The following DYNC1H1 variants were observed in gnomAD, a reference collection of about 807,000 sequenced individuals.
DYNC1H1 encodes dynein cytoplasmic 1 heavy chain 1, also known as cytoplasmic dynein 1 heavy chain 1.
In DYNC1H1, 51 loss-of-function variants were observed where a neutral mutation model predicts 527.1. That is an observed-to-expected ratio of 0.10 (90% confidence interval 0.08 to 0.12). The LOEUF is 0.12. DYNC1H1 is among the 10% of genes least tolerant of loss of function. DYNC1H1 has a pLI of 1.00. For missense variants in DYNC1H1, 2,771 were observed against 5,971.8 expected, an observed-to-expected ratio of 0.46 and a Z score of 17.66; for synonymous variants, 2,189 against 2,278.8, an observed-to-expected ratio of 0.96 and a Z score of 1.12.
chr14:101,965,044 G>A lies in DYNC1H1; in HGVS notation c.256+97G>A. Reference sequence around the variant, plus strand: ...GGTCGCAGATGTCCCCGGGATGGGAGGAGCCCGGCAGCTGCAGATGACCCC... The same window carrying A: ...GGTCGCAGATGTCCCCGGGATGGGAAGAGCCCGGCAGCTGCAGATGACCCC... On this transcript the variant is annotated intron_variant, in intron 1 of 77. Transcript: ENST00000360184. This position sits in a 1 kb window ranked among gnomAD's most constrained non-coding sequence, Gnocchi z 4.1. 7.5e-7 allele frequency: 1 copy of A among 1,331,346 alleles called. No individual in the cohort carries two copies. The highest frequency in any genetic ancestry group is 1.0e-6 in the Non-Finnish European group (1 of 981,026). The allele number at this position is 1,331,346 out of a possible 1,614,324, so 82.5% of individuals were successfully genotyped here. A position where few individuals can be genotyped will look rare whatever the true frequency, so the allele number is the denominator to read the frequency against.
Position 102,033,842 on chromosome 14 carries a change from G to A in DYNC1H1, c.10414-134G>A. The A allele has an allele frequency of 1.1e-6, 1 of 923,980 alleles. No individual in the cohort carries two copies. Among genetic ancestry groups the A allele is most frequent in the Non-Finnish European group, 1.7e-6 (1 of 589,042 alleles). 57.2% of individuals were successfully genotyped at this position (923,980 alleles called of 1,614,324 possible). A position where few individuals can be genotyped will look rare whatever the true frequency, so the allele number is the denominator to read the frequency against. ...TATGATCTGGGTCTCATCTCCTCTG[G>A]GACTGTGAACAACTTGGGCACGTTT... On this transcript the variant is annotated intron_variant, in intron 54 of 77. Transcript: ENST00000360184. The surrounding 1 kb of genome is among the most constrained non-coding windows in gnomAD (Gnocchi z 5.6).
In DYNC1H1 at chr14:101,979,751, A is replaced by G; in HGVS notation, c.551A>G (p.Lys184Arg). 1.2e-6 allele frequency: 2 copies of G among 1,614,230 alleles called. No homozygotes were observed. Among genetic ancestry groups the G allele is most frequent in the Non-Finnish European group, 1.7e-6 (2 of 1,180,044 alleles). The change falls in exon 4 of 78, where the codon AAG becomes AGG. Residue 184 changes from lysine (K) to arginine (R), a missense_variant. This residue lies in a region of DYNC1H1 where 146 missense variants were observed against 288.1 expected (regional missense o/e 0.51). Coordinates refer to ENST00000360184, the MANE Select transcript of DYNC1H1 (RefSeq NM_001376.5). The surrounding 1 kb of genome is among the most constrained non-coding windows in gnomAD (Gnocchi z 4.6). ...DGDKMAPSVE[K>R]KIAELEMGLL... The stretch of plus-strand genomic sequence containing the variant: ...GATAAAATGGCTCCTTCAGTTGAAA[A>G]GAAGATTGCAGAACTCGAAATGGGA...
chr14:102,036,449 T>C lies in DYNC1H1; in HGVS notation c.10755-40T>C, dbSNP rs1167214143. On this transcript the variant is annotated intron_variant, in intron 56 of 77. Coordinates refer to ENST00000360184, the MANE Select transcript of DYNC1H1 (RefSeq NM_001376.5). The surrounding 1 kb of genome is among the most constrained non-coding windows in gnomAD (Gnocchi z 5.6). ...TAACCGTGATCCTGTGCTTTCCCCA[T>C]TCGGTGTTTCAACCTTCTCTTCTGT... 8 of 1,611,406 alleles carry C rather than the reference T, an allele frequency of 5.0e-6. No homozygotes were observed. The African/African-American group carries it at 1.1e-4, about 22-fold the overall frequency.
At position 102,040,688 on chromosome 14, in the gene DYNC1H1, G is replaced by A. The variant is rs2152595869; in HGVS notation, c.11941+15G>A. On this transcript the variant is annotated intron_variant, in intron 64 of 77. Transcript: ENST00000360184. ...AACACCTGCAAGTAAGCCCCACTGT[G>A]GTTTTCTTTCTGGACCTGAATGTAA... 6.2e-7 allele frequency: 1 copy of A among 1,614,130 alleles called. No individual in the cohort carries two copies. The highest frequency in any genetic ancestry group is 8.5e-7 in the Non-Finnish European group (1 of 1,180,010).
At chr14:102,023,358 T>C (rs2048409980) in intron 43 of DYNC1H1, 1 of 290,874 alleles carries the variant, frequency 3.4e-6, no homozygotes, top group Non-Finnish European at 6.7e-6. Flanking sequence ...GAGACCAGCC[T>C]GACCTACATG....
intron 64 of DYNC1H1, 129 bp downstream of exon 64, chr14:102,040,802 A>G: frequency 1.7e-6 from 2 of 1,161,362 alleles, no homozygotes. Flanking sequence ...TCTACAAAAA[A>G]TAAAACCTTA....
chr14:101,990,600 C>T (rs192317714), intron 10 of DYNC1H1, among the ~76,000 whole-genome samples: 141 of 152,276 alleles, frequency 9.3e-4, no homozygotes, highest in African/African-American at 3.2e-3. Context: ...TGAGGCCAGA[C>T]GCAGTGGCTT....
intron 52 of DYNC1H1, 199 bp downstream of exon 52, chr14:102,032,666 A>G: frequency 1.5e-6 from 1 of 682,182 alleles, no homozygotes; most frequent in South Asian, 1.8e-5. Context: ...AACCTGGGCT[A>G]CATGGCGACA....
In DYNC1H1 at chr14:102,036,415, G is replaced by A. The variant is rs1595627982; in HGVS notation, c.10755-74G>A. On this transcript the variant is annotated intron_variant, in intron 56 of 77. Transcript: ENST00000360184. This position sits in a 1 kb window ranked among gnomAD's most constrained non-coding sequence, Gnocchi z 5.6. ...CCTATCAATCAGGGTCTCTCATCAG[G>A]GACTCGGCTAACCGTGATCCTGTGC... 1 of 1,597,732 alleles carries A rather than the reference G, an allele frequency of 6.3e-7. No individual in the cohort carries two copies. The highest frequency in any genetic ancestry group is 1.3e-5 in the African/African-American group (1 of 74,648).
chr14:102,011,800 A>G lies in DYNC1H1; in HGVS notation c.6619-75A>G, dbSNP rs2048261919. On this transcript the variant is annotated intron_variant, in intron 32 of 77. Coordinates refer to ENST00000360184, the MANE Select transcript of DYNC1H1 (RefSeq NM_001376.5). This position sits in a 1 kb window ranked among gnomAD's most constrained non-coding sequence, Gnocchi z 5.3. Reference sequence around the variant, plus strand: ...ATAATGTTTCTTGCTCACTTTCACAAGAGGTGGCTGGGCGAGGAGCTGTCC... The same window carrying G: ...ATAATGTTTCTTGCTCACTTTCACAGGAGGTGGCTGGGCGAGGAGCTGTCC... 2.0e-6 allele frequency: 3 copies of G among 1,492,040 alleles called. No homozygotes were observed. The highest frequency in any genetic ancestry group is 2.3e-5 in the South Asian group (2 of 88,246). The allele number at this position is 1,492,040 out of a possible 1,614,324, so 92.4% of individuals were successfully genotyped here.
chr14:101,977,801 TG>T (rs1355584740), intron 2 of DYNC1H1, among the ~76,000 whole-genome samples: 1 of 152,264 alleles, frequency 6.6e-6, no homozygotes, highest in Non-Finnish European at 1.5e-5. Context: ...TATACGATTT[TG>T]GCAGAAATAC....
In DYNC1H1 at chr14:101,997,738, C is replaced by T. The variant is rs1025561393; in HGVS notation, c.3804+464C>T. On this transcript the variant is annotated intron_variant, in intron 16 of 77. Coordinates refer to ENST00000360184, the MANE Select transcript of DYNC1H1 (RefSeq NM_001376.5). The surrounding 1 kb of genome is among the most constrained non-coding windows in gnomAD (Gnocchi z 4.8). ...CCCAGAAACTGCCACATCCACTTTT[C>T]TTCATGCATTGAAGTATTTATTGAG... Among the ~76,000 whole-genome samples, 2 of 152,208 alleles carry T rather than the reference C, an allele frequency of 1.3e-5. No homozygotes were observed. The highest frequency in any genetic ancestry group is 2.4e-5 in the African/African-American group (1 of 41,462).
intron 51 of DYNC1H1, chr14:102,030,603 C>A: frequency 2.9e-6 from 1 of 339,074 alleles, no homozygotes; most frequent in Non-Finnish European, 5.6e-6. Flanking sequence ...TTATCAATCC[C>A]TGACTTGAAT....
At chr14:102,045,488 G>GT (rs1429719758) in intron 72 of DYNC1H1, among the ~76,000 whole-genome samples, 4 of 151,992 alleles carry the variant, frequency 2.6e-5, no homozygotes, top group Non-Finnish European at 5.9e-5. Flanking sequence ...GTGGGTGCCT[G>GT]TAATCCCAGC....
chr14:102,002,986 T>C lies in DYNC1H1; in HGVS notation c.4883+21T>C. 1 of 1,613,794 alleles carries C rather than the reference T, an allele frequency of 6.2e-7. No individual in the cohort carries two copies. Among genetic ancestry groups the C allele is most frequent in the South Asian group, 1.1e-5 (1 of 91,068 alleles). On this transcript the variant is annotated intron_variant, in intron 23 of 77. Coordinates refer to ENST00000360184, the MANE Select transcript of DYNC1H1 (RefSeq NM_001376.5). The surrounding 1 kb of genome is among the most constrained non-coding windows in gnomAD (Gnocchi z 4.4). ...CCCAGGTAAGATCCTTGCTTTGACT[T>C]GGCCTGGAGTCAAGTTGAATTTCAG...
intron 28 of DYNC1H1, 56 bp from the exon 29 acceptor site, chr14:102,008,122 G>T: frequency 6.2e-7 from 1 of 1,608,968 alleles, no homozygotes. Context: ...AGGGAGAGGG[G>T]AGACAATTGA....
rs535227229 is a variant in DYNC1H1, at chr14:102,042,996, G to A, written c.12513+248G>A. On this transcript the variant is annotated intron_variant, in intron 69 of 77. Transcript: ENST00000360184. This position sits in a 1 kb window ranked among gnomAD's most constrained non-coding sequence, Gnocchi z 5.7. ...GAGCCCAGGAGTTCAAGACTGTCTG[G>A]GCAGGCCAGGAGTGGTGGCTCACGC... 2.1e-5 allele frequency: 11 copies of A among 533,576 alleles called. No homozygotes were observed. The highest frequency in any genetic ancestry group is 3.7e-5 in the East Asian group (1 of 27,176). 33.1% of individuals were successfully genotyped at this position (533,576 alleles called of 1,614,324 possible).
At position 102,001,887 on chromosome 14, in the gene DYNC1H1, A is replaced by C. The variant is rs1314596278; in HGVS notation, c.4542+206A>C. 6.6e-6 allele frequency among the ~76,000 whole-genome samples: 1 copy of C among 151,856 alleles called. No homozygotes were observed. Among genetic ancestry groups the C allele is most frequent in the African/African-American group, 2.4e-5 (1 of 41,330 alleles). On this transcript the variant is annotated intron_variant, in intron 21 of 77. Coordinates refer to ENST00000360184, the MANE Select transcript of DYNC1H1 (RefSeq NM_001376.5). The surrounding 1 kb of genome is among the most constrained non-coding windows in gnomAD (Gnocchi z 5.0). The stretch of plus-strand genomic sequence containing the variant: ...CTTCCTGGGCTCAAGTGATCTTCCC[A>C]CCTCAGCCTCCAGGTAGCTGGGACC...
At chr14:101,993,255 C>A (rs75811889) in intron 11 of DYNC1H1, among the ~76,000 whole-genome samples, 1 of 152,120 alleles carries the variant, frequency 6.6e-6, no homozygotes, top group African/African-American at 2.4e-5. Context: ...CCACTCCGTA[C>A]AAGGTACCAT....
Sources: gnomAD v4.1 joint callset for allele counts (sites outside exome capture counted in the v4.1 genomes callset) on GRCh38, gnomAD v4.1.1 for gene constraint, gnomAD v4.1.1 regional missense constraint, Gnocchi (gnomAD v3.1) non-coding constraint, MANE v1.5 for transcripts, NCBI Gene and HGNC (gene_info 2026-07-23, HGNC 2026-07-21) for gene names.